C16orf95: variants seen among roughly 807,000 people sequenced by gnomAD.
C16orf95 encodes the protein uncharacterized protein C16orf95.
In C16orf95, 41 loss-of-function variants were observed where a neutral mutation model predicts 32.1. The observed-to-expected ratio is 1.28, with a 90% CI of 1.00 to 1.66. The LOEUF (loss-of-function observed/expected upper bound fraction) is 1.66, where lower values mean the gene tolerates loss of function less well. Ranked by LOEUF, C16orf95 falls within the 40% of genes most tolerant of loss-of-function variation. C16orf95 has a pLI of 0.00. For missense variants in C16orf95, 399 were observed against 325.9 expected (o/e 1.22, Z -1.73); for synonymous variants, 147 against 128.9 (o/e 1.14, Z -0.95).
chr16:87,306,891 G>A (rs528044531), intron 5 of C16orf95, among the ~76,000 whole-genome samples: 2 of 152,278 alleles, frequency 1.3e-5, no homozygotes, highest in African/African-American at 4.8e-5. Context: ...GATACCAGAT[G>A]ATGCATGTCA....
intron 4 of C16orf95, among the ~76,000 whole-genome samples, 167 bp downstream of exon 4, chr16:87,310,983 C>T (rs976152183): frequency 6.6e-6 from 1 of 152,194 alleles, no homozygotes; most frequent in Admixed American, 6.5e-5. Context: ...CCTCTGTGCT[C>T]CCAAGCCCAT....
chr16:87,310,971 G>A (rs188661208), intron 4 of C16orf95, among the ~76,000 whole-genome samples, 179 bp downstream of exon 4: 3 of 152,168 alleles, frequency 2.0e-5, no homozygotes, highest in Non-Finnish European at 4.4e-5. Flanking sequence ...AGCCACACCT[G>A]CCCTCTGTGC....
At chr16:87,312,426 G>T (rs1463975369) in intron 3 of C16orf95, among the ~76,000 whole-genome samples, 1 of 152,022 alleles carries the variant, frequency 6.6e-6, no homozygotes, top group Non-Finnish European at 1.5e-5. Flanking sequence ...AAAATTAGCC[G>T]GGAGTGGTGG....
intron 6 of C16orf95, among the ~76,000 whole-genome samples, chr16:87,303,832 T>A (rs1910875983): frequency 6.6e-6 from 1 of 152,086 alleles, no homozygotes; most frequent in African/African-American, 2.4e-5. Flanking sequence ...AACAAGAGCA[T>A]GCCCAGGCCC....
At chr16:87,311,866 G>A (rs1475727963) in intron 3 of C16orf95, among the ~76,000 whole-genome samples, 1 of 152,190 alleles carries the variant, frequency 6.6e-6, no homozygotes, top group Non-Finnish European at 1.5e-5. Flanking sequence ...ATACCTTTCA[G>A]TAAGAGACAA....
In C16orf95 at chr16:87,317,287, G is replaced by A. The variant is rs377565691; in HGVS notation, c.-45C>T. On this transcript the variant is annotated 5_prime_UTR_variant, in exon 1 of 7. Transcript: ENST00000567970. ...GCGCCCTTTCACACACACATCGTCC[G>A]CAGGCCCTGACGCCCTGGCTCCCGC... is the stretch of plus-strand genomic sequence containing the variant. The A allele has an allele frequency of 2.0e-6, 3 of 1,468,362 alleles. No homozygotes were observed. Among genetic ancestry groups the A allele is most frequent in the African/African-American group, 2.8e-5 (2 of 70,906 alleles). The allele number at this position is 1,468,362 out of a possible 1,614,324, so 91.0% of individuals were successfully genotyped here.
At chr16:87,304,977 C>T (rs1803525163) in intron 6 of C16orf95, among the ~76,000 whole-genome samples, 1 of 152,230 alleles carries the variant, frequency 6.6e-6, no homozygotes, top group Admixed American at 6.5e-5. Context: ...TCACAGGTCT[C>T]CTCATCCATG....
chr16:87,314,007 T>C (rs1335844172), intron 3 of C16orf95, among the ~76,000 whole-genome samples: 1 of 152,068 alleles, frequency 6.6e-6, no homozygotes, highest in Non-Finnish European at 1.5e-5. Context: ...ATGGCTCAAA[T>C]TAAAAACATC....
At chr16:87,309,741 T>C (rs1168532860) in intron 5 of C16orf95, among the ~76,000 whole-genome samples, 1 of 152,170 alleles carries the variant, frequency 6.6e-6, no homozygotes, top group African/African-American at 2.4e-5. Context: ...ACATATTGTA[T>C]TGTGAATACA....
At chr16:87,314,659 T>C (rs535201662) in intron 3 of C16orf95, among the ~76,000 whole-genome samples, 2 of 152,294 alleles carry the variant, frequency 1.3e-5, no homozygotes, top group East Asian at 3.9e-4. Context: ...GTGCAGTTTA[T>C]CACATGCCAA....
At position 87,302,906 on chromosome 16, in the gene C16orf95, A is replaced by G; in HGVS notation, c.*151T>C. The G allele has an allele frequency of 1.3e-6, 1 of 784,630 alleles. No individual in the cohort carries two copies. The highest frequency in any genetic ancestry group is 2.1e-5 in the Admixed American group (1 of 46,868). The allele number at this position is 784,630 out of a possible 1,614,324, so 48.6% of individuals were successfully genotyped here. ...CTTTGCTACAACCAAGAATCACCTGATGAGAAATCATTTGGGTTGAATCCT... is the reference window on the plus strand; with the variant it reads ...CTTTGCTACAACCAAGAATCACCTGGTGAGAAATCATTTGGGTTGAATCCT... On this transcript the variant is annotated 3_prime_UTR_variant, in exon 7 of 7. Transcript: ENST00000567970.
intron 4 of C16orf95, among the ~76,000 whole-genome samples, chr16:87,310,754 G>A (rs1456443826): frequency 1.3e-5 from 2 of 152,134 alleles, no homozygotes; most frequent in Non-Finnish European, 2.9e-5. Flanking sequence ...GAGAGAGTCA[G>A]AGGAGGGGCT....
chr16:87,310,991 C>T (rs1172036158), intron 4 of C16orf95, among the ~76,000 whole-genome samples, 159 bp downstream of exon 4: 1 of 152,210 alleles, frequency 6.6e-6, no homozygotes, highest in Non-Finnish European at 1.5e-5. Context: ...CTCCCAAGCC[C>T]ATGGCCACAG....
chr16:87,317,001 T>C (rs1904367766), intron 1 of C16orf95, 90 bp downstream of exon 1: 4 of 1,403,080 alleles, frequency 2.9e-6, no homozygotes, highest in Non-Finnish European at 2.8e-6. Context: ...TCAAGAGTTC[T>C]GCCTGTGCAT....
At chr16:87,308,338 A>G (rs1345507617) in intron 5 of C16orf95, among the ~76,000 whole-genome samples, 1 of 151,950 alleles carries the variant, frequency 6.6e-6, no homozygotes, top group African/African-American at 2.4e-5. Flanking sequence ...AAAATTAGCC[A>G]GGCATGGTGG....
intron 3 of C16orf95, among the ~76,000 whole-genome samples, chr16:87,312,492 C>A (rs1319192824): frequency 1.4e-5 from 2 of 145,584 alleles, no homozygotes; most frequent in Non-Finnish European, 3.0e-5. Context: ...TCGCTTGAAC[C>A]TGGGAGACGG....
intron 3 of C16orf95, among the ~76,000 whole-genome samples, chr16:87,314,138 A>G (rs1220443147): frequency 6.6e-6 from 1 of 152,148 alleles, no homozygotes; most frequent in Admixed American, 6.5e-5. Flanking sequence ...TACACCTACC[A>G]TATGATTCAG....
chr16:87,304,774 C>T (rs1256259275), intron 6 of C16orf95, among the ~76,000 whole-genome samples: 3 of 152,236 alleles, frequency 2.0e-5, no homozygotes, highest in South Asian at 2.1e-4. Context: ...CTCCCGCTCC[C>T]GCTCCCAGCC....
intron 6 of C16orf95, among the ~76,000 whole-genome samples, chr16:87,304,988 C>T (rs984595048): frequency 6.6e-6 from 1 of 152,222 alleles, no homozygotes; most frequent in African/African-American, 2.4e-5. Flanking sequence ...CTCATCCATG[C>T]AGTGTGATGC....
Sources: allele counts gnomAD v4.1 joint callset (sites outside exome capture counted in the v4.1 genomes callset), GRCh38; gene constraint gnomAD v4.1.1; transcripts MANE v1.5; gene names NCBI Gene and HGNC (gene_info 2026-07-23, HGNC 2026-07-21).